The following ZBTB43 variants were observed in gnomAD, a reference collection of about 807,000 sequenced individuals.
ZBTB43 encodes zinc finger and BTB domain containing 43, also known as zinc finger and BTB domain-containing protein 43.
Under a neutral mutation model 31.1 loss-of-function variants are expected in ZBTB43, and 6 were observed. The observed-to-expected ratio is 0.19, with a 90% CI of 0.11 to 0.38. The LOEUF (loss-of-function observed/expected upper bound fraction) is 0.38. ZBTB43 is among the 10% of genes least tolerant of loss of function. ZBTB43 has a pLI of 1.00. For synonymous variants in ZBTB43, 212 were observed against 221.7 expected (o/e 0.96, Z 0.39); for missense variants, 379 against 602.1 (o/e 0.63, Z 3.88).
At position 126,826,454 on chromosome 9, in the gene ZBTB43, C is replaced by CTTTTTTTTT. The variant is rs35094731; in HGVS notation, c.-23-6014_-23-6006dup. Among the ~76,000 whole-genome samples the CTTTTTTTTT allele has an allele frequency of 2.2e-4, 12 of 53,598 alleles. 2 individuals carry two copies. The East Asian group carries it at 0.011, about 49-fold the overall frequency. 35.2% of individuals were successfully genotyped at this position (53,598 alleles called of 152,430 possible). ...GCGCCACCACTCCTGGCCCCCCCGC[C>CTTTTTTTTT]TTTTTTTTTTTTTTTTTTTTTTTTT... On this transcript the variant is annotated intron_variant, in intron 2 of 2. Coordinates refer to ENST00000373464, the MANE Select transcript of ZBTB43 (RefSeq NM_014007.4).
intron 2 of ZBTB43, among the ~76,000 whole-genome samples, chr9:126,814,699 A>C (rs746867859): frequency 1.2e-4 from 18 of 152,126 alleles, no homozygotes; most frequent in Non-Finnish European, 2.5e-4. Context: ...AGGCTGAGGC[A>C]GGAGAATGGT....
chr9:126,820,331 T>C (rs1337783782), intron 2 of ZBTB43, among the ~76,000 whole-genome samples: 1 of 152,150 alleles, frequency 6.6e-6, no homozygotes, highest in Non-Finnish European at 1.5e-5. Flanking sequence ...CTGGTAACTT[T>C]AAGTTGAGGC....
chr9:126,828,252 C>T (rs1307917673), intron 2 of ZBTB43, among the ~76,000 whole-genome samples: 3 of 151,496 alleles, frequency 2.0e-5, no homozygotes, highest in Non-Finnish European at 2.9e-5. Context: ...GGCGCGATCT[C>T]GGCTCACTGC....
chr9:126,832,354 A>T, intron 2 of ZBTB43, 133 bp from the exon 3 acceptor site: 2 of 806,770 alleles, frequency 2.5e-6, no homozygotes, highest in Non-Finnish European at 1.9e-6. Context: ...CTAGGGATTG[A>T]ATCCCTTACC....
At chr9:126,830,939 A>G (rs1169736804) in intron 2 of ZBTB43, among the ~76,000 whole-genome samples, 3 of 152,316 alleles carry the variant, frequency 2.0e-5, no homozygotes, top group Admixed American at 1.3e-4. Context: ...TCTGTTCAGT[A>G]GCAGGGACTT....
chr9:126,815,302 CTATA>C (rs546578193), intron 2 of ZBTB43, among the ~76,000 whole-genome samples: 2 of 127,120 alleles, frequency 1.6e-5, no homozygotes, highest in Admixed American at 1.6e-4. Context: ...ATATATAAAA[CTATA>C]TATATAGTTT....
At chr9:126,819,279 A>G (rs1377174019) in intron 2 of ZBTB43, among the ~76,000 whole-genome samples, 9 of 100,196 alleles carry the variant, frequency 9.0e-5, no homozygotes, top group Non-Finnish European at 1.2e-4. Flanking sequence ...CGGATATTGC[A>G]TTTTTTTTTT....
In ZBTB43 at chr9:126,833,515, G is replaced by A; in HGVS notation, c.1006G>A (p.Gly336Arg). The A allele has an allele frequency of 6.2e-7, 1 of 1,614,142 alleles. No homozygotes were observed. Among genetic ancestry groups the A allele is most frequent in the South Asian group, 1.1e-5 (1 of 91,074 alleles). Residue 336 changes from glycine to arginine, a missense_variant, in exon 3 of 3, where the codon GGG becomes AGG. Gly to Arg is a moderately radical substitution (Grantham distance 125, BLOSUM62 -2). This residue lies in a region of ZBTB43 where 253 missense variants were observed against 322.3 expected (regional missense o/e 0.79). Coordinates refer to ENST00000373464, the MANE Select transcript of ZBTB43 (RefSeq NM_014007.4). The surrounding 1 kb of genome is among the most constrained non-coding windows in gnomAD (Gnocchi z 7.9). ...AGAGAGGTCAGATGGGAATCTAATT[G>A]GGCACAGACAGGAGGCTGCCCTCGC... Reference protein sequence around the residue: ...SGERSDGNLIGHRQEAALAAG... With the variant: ...SGERSDGNLIRHRQEAALAAG...
Position 126,834,020 on chromosome 9 carries a change from A to T in ZBTB43, c.*107A>T. 8.5e-7 allele frequency: 1 copy of T among 1,170,874 alleles called. No homozygotes were observed. Among genetic ancestry groups the T allele is most frequent in the Non-Finnish European group, 1.2e-6 (1 of 861,420 alleles). The allele number at this position is 1,170,874 out of a possible 1,614,324, so 72.5% of individuals were successfully genotyped here. ...TACTTGCTATTATGAGAGAAGCTTA[A>T]AAAAAAAAAGGAAGATATTTCTGAA... On this transcript the variant is annotated 3_prime_UTR_variant, in exon 3 of 3. Coordinates refer to ENST00000373464, the MANE Select transcript of ZBTB43 (RefSeq NM_014007.4).
Position 126,833,929 on chromosome 9 carries a change from CTT to C in ZBTB43, c.*17_*18del. The stretch of plus-strand genomic sequence containing the variant: ...GGCTAACTAAAAATAGGATCTGGCC[CTT>C]GAGTGGCATGCACAAAAATAAACTA... On this transcript the variant is annotated 3_prime_UTR_variant, in exon 3 of 3. Transcript: ENST00000373464. The surrounding 1 kb of genome is among the most constrained non-coding windows in gnomAD (Gnocchi z 7.9). 1 of 1,553,578 alleles carries C rather than the reference CTT, an allele frequency of 6.4e-7. No homozygotes were observed.
chr9:126,819,473 G>C (rs2032464359), intron 2 of ZBTB43, among the ~76,000 whole-genome samples: 2 of 151,646 alleles, frequency 1.3e-5, no homozygotes, highest in African/African-American at 4.8e-5. Context: ...GTAATTTTTT[G>C]ATGTTACTAT....
At chr9:126,821,710 ACTC>A (rs771572315) in intron 2 of ZBTB43, among the ~76,000 whole-genome samples, 8 of 152,072 alleles carry the variant, frequency 5.3e-5, no homozygotes, top group Non-Finnish European at 1.2e-4. Context: ...AATGGACTCT[ACTC>A]CTGGTGAAGA....
At chr9:126,818,513 A>G (rs549514352) in intron 2 of ZBTB43, among the ~76,000 whole-genome samples, 22 of 152,014 alleles carry the variant, frequency 1.4e-4, no homozygotes, top group Non-Finnish European at 2.4e-4. Context: ...CCAAAGTGCT[A>G]GGGTTACAGG....
At position 126,833,177 on chromosome 9, in the gene ZBTB43, C is replaced by T. The variant is rs2032800590; in HGVS notation, c.668C>T (p.Ala223Val). 5.6e-6 allele frequency: 9 copies of T among 1,613,702 alleles called. No individual in the cohort carries two copies. Among genetic ancestry groups the T allele is most frequent in the Non-Finnish European group, 7.6e-6 (9 of 1,180,044 alleles). The change falls in exon 3 of 3, where the codon GCC becomes GTC. Residue 223 changes from alanine to valine, a missense_variant. Ala to Val is a moderately conservative substitution (Grantham distance 64). Coordinates refer to ENST00000373464, the MANE Select transcript of ZBTB43 (RefSeq NM_014007.4). This position sits in a 1 kb window ranked among gnomAD's most constrained non-coding sequence, Gnocchi z 7.9. ...GGGGAGGAGGGCGCCAGCGACAGCG[C>T]CGAGTTCCACTACACCCGGCCCATG... is the stretch of plus-strand genomic sequence containing the variant. ...QDGEEGASDS[A>V]EFHYTRPMYS...
At chr9:126,815,214 CTATATATATAGTTTT>C in intron 2 of ZBTB43, among the ~76,000 whole-genome samples, 1 of 109,724 alleles carries the variant, frequency 9.1e-6, no homozygotes, top group East Asian at 3.7e-4. Flanking sequence ...ATATATAAAA[CTATATATATAGTTTT>C]CAATATATAA....
At chr9:126,815,186 T>A (rs1005471999) in intron 2 of ZBTB43, among the ~76,000 whole-genome samples, 3 of 149,128 alleles carry the variant, frequency 2.0e-5, no homozygotes, top group African/African-American at 7.3e-5. Flanking sequence ...TGTGTATTGT[T>A]TATATATATA....
chr9:126,813,142 G>A (rs1176281352), intron 2 of ZBTB43, among the ~76,000 whole-genome samples: 7 of 151,904 alleles, frequency 4.6e-5, no homozygotes, highest in Non-Finnish European at 1.0e-4. Flanking sequence ...CACCACGCCC[G>A]GCTAACTTTG....
intron 2 of ZBTB43, among the ~76,000 whole-genome samples, chr9:126,821,629 C>G (rs2032511238): frequency 6.6e-6 from 1 of 152,168 alleles, no homozygotes; most frequent in African/African-American, 2.4e-5. Context: ...TGAATTATTG[C>G]AAAGGCATGG....
At chr9:126,811,136 C>T (rs924451826) in intron 2 of ZBTB43, among the ~76,000 whole-genome samples, 6 of 150,712 alleles carry the variant, frequency 4.0e-5, no homozygotes, top group Non-Finnish European at 5.9e-5. Flanking sequence ...GCAGGAGAAT[C>T]GCTTGAACCT....
Sources: allele counts gnomAD v4.1 joint callset (sites outside exome capture counted in the v4.1 genomes callset), GRCh38; gene constraint gnomAD v4.1.1; regional missense constraint gnomAD v4.1.1; non-coding constraint Gnocchi (gnomAD v3.1); transcripts MANE v1.5; gene names NCBI Gene and HGNC (gene_info 2026-07-23, HGNC 2026-07-21).